WDPCP: variants seen among roughly 807,000 people sequenced by gnomAD.
WDPCP encodes WD repeat containing planar cell polarity effector.
WDPCP carries 71 observed loss-of-function variants against 93.1 expected under a neutral mutation model. That is an observed-to-expected ratio of 0.76 (90% CI 0.63 to 0.93). The LOEUF (loss-of-function observed/expected upper bound fraction) is 0.93, where lower values mean the gene tolerates loss of function less well. WDPCP is among the 40% of genes least tolerant of loss of function. The pLI, the probability that WDPCP is intolerant of heterozygous loss-of-function variation, is 0.00. For synonymous variants in WDPCP, 315 were observed against 315.0 expected, an observed-to-expected ratio of 1.00 and a Z score of 0.00; for missense variants, 844 against 887.4, an observed-to-expected ratio of 0.95 and a Z score of 0.62.
intron 1 of WDPCP, among the ~76,000 whole-genome samples, chr2:63,542,995 A>C (rs1258562386): frequency 2.0e-5 from 3 of 152,172 alleles, no homozygotes; most frequent in Non-Finnish European, 4.4e-5. Flanking sequence ...AAAAATATCA[A>C]ATATTCAAAA....
chr2:63,610,966 C>T (rs1279815384), intron 3 of WDPCP, among the ~76,000 whole-genome samples: 1 of 152,198 alleles, frequency 6.6e-6, no homozygotes, highest in African/African-American at 2.4e-5. Flanking sequence ...AGTTTGCTGG[C>T]TCACACCTGT....
chr2:63,748,749 T>G (rs1250685705), intron 2 of WDPCP, among the ~76,000 whole-genome samples: 1 of 152,134 alleles, frequency 6.6e-6, no homozygotes, highest in Non-Finnish European at 1.5e-5. Flanking sequence ...TTGCTTTTGC[T>G]GTGTATCACT....
At chr2:63,798,366 A>G (rs1019550575) in intron 2 of WDPCP, among the ~76,000 whole-genome samples, 13 of 152,340 alleles carry the variant, frequency 8.5e-5, no homozygotes, top group Admixed American at 4.6e-4. Flanking sequence ...ACAACTTTTC[A>G]AGACATAGTA....
chr2:63,404,381 G>T lies in WDPCP; in HGVS notation c.1102C>A (p.Arg368Ser), dbSNP rs769112221. 1.2e-6 allele frequency: 2 copies of T among 1,614,134 alleles called. No individual in the cohort carries two copies. Among genetic ancestry groups the T allele is most frequent in the East Asian group, 2.2e-5 (1 of 44,882 alleles). ...GTCTGTGCTAAGAGAGTCACTCTACGGTGAGTTTCATAAAGAATTAGCGAA... is the reference window on the plus strand; with the variant it reads ...GTCTGTGCTAAGAGAGTCACTCTACTGTGAGTTTCATAAAGAATTAGCGAA... The part of the protein sequence containing the change: ...DSSLILYETH[R>S]RVTLLAQTEL... The change falls in exon 10 of 18, where the codon CGT becomes AGT. Residue 368 changes from arginine to serine, a missense_variant. Transcript: ENST00000272321.
intron 2 of WDPCP, among the ~76,000 whole-genome samples, chr2:63,724,820 T>G (rs1443696881): frequency 6.6e-6 from 1 of 152,208 alleles, no homozygotes; most frequent in Non-Finnish European, 1.5e-5. Flanking sequence ...TGAACTGTTA[T>G]CCTGAAAAGC....
At chr2:63,204,221 C>T (rs1400368119) in intron 14 of WDPCP, among the ~76,000 whole-genome samples, 3 of 152,046 alleles carry the variant, frequency 2.0e-5, no homozygotes, top group African/African-American at 7.2e-5. Flanking sequence ...TTCTTATTAC[C>T]TGTCTTTTGG....
intron 12 of WDPCP, chr2:63,378,162 T>C: frequency 1.8e-6 from 1 of 554,682 alleles, no homozygotes; most frequent in Non-Finnish European, 3.2e-6. Context: ...GAGGAAGGTA[T>C]ATTAAAAAGT....
intron 2 of WDPCP, among the ~76,000 whole-genome samples, chr2:63,809,251 C>A (rs951282051): frequency 2.0e-5 from 3 of 151,442 alleles, no homozygotes; most frequent in African/African-American, 4.9e-5. Flanking sequence ...AGTGAGGAGC[C>A]CCTCTGCCCA....
intron 1 of WDPCP, among the ~76,000 whole-genome samples, chr2:63,816,357 G>C (rs1186617410): frequency 2.0e-5 from 3 of 152,148 alleles, no homozygotes; most frequent in Non-Finnish European, 4.4e-5. Flanking sequence ...CCCCCTAAAA[G>C]ATTCCACCCA....
intron 14 of WDPCP, among the ~76,000 whole-genome samples, chr2:63,251,396 C>T (rs907288740): frequency 3.3e-5 from 5 of 151,286 alleles, no homozygotes; most frequent in Admixed American, 1.3e-4. Context: ...TGGAAACACA[C>T]AACCTCCCAA....
At chr2:63,732,770 T>C (rs1669579877) in intron 2 of WDPCP, among the ~76,000 whole-genome samples, 1 of 152,112 alleles carries the variant, frequency 6.6e-6, no homozygotes. Context: ...CAACCAAGAT[T>C]AAGGGAAAGA....
At chr2:63,682,632 T>A (rs116308022) in intron 2 of WDPCP, among the ~76,000 whole-genome samples, 1,729 of 152,056 alleles carry the variant, frequency 0.011, 14 homozygotes, top group Non-Finnish European at 0.013. Context: ...TTCAAATGGA[T>A]AATAACAGAG....
intron 2 of WDPCP, among the ~76,000 whole-genome samples, chr2:63,664,962 TG>T (rs1278065353): frequency 1.3e-5 from 2 of 152,138 alleles, no homozygotes; most frequent in African/African-American, 2.4e-5. Context: ...TGCCTCTGCA[TG>T]GAGAGGATGA....
At chr2:63,601,462 TG>T (rs1709417079) in intron 3 of WDPCP, among the ~76,000 whole-genome samples, 1 of 152,238 alleles carries the variant, frequency 6.6e-6, no homozygotes, top group African/African-American at 2.4e-5. Context: ...CCAGTTAGCT[TG>T]TAAGAAAATT....
chr2:63,222,153 C>CTA (rs1559218288), intron 14 of WDPCP, among the ~76,000 whole-genome samples: 1 of 152,162 alleles, frequency 6.6e-6, no homozygotes, highest in Non-Finnish European at 1.5e-5. Context: ...TTTCATCTCT[C>CTA]TATATATATG....
At chr2:63,221,791 C>T (rs1677856587) in intron 14 of WDPCP, among the ~76,000 whole-genome samples, 1 of 152,144 alleles carries the variant, frequency 6.6e-6, no homozygotes, top group South Asian at 2.1e-4. Flanking sequence ...TTGTTTCCTC[C>T]TAATTATCTC....
At chr2:63,622,428 C>A (rs1709752470) in intron 3 of WDPCP, 2 of 1,613,800 alleles carry the variant, frequency 1.2e-6, no homozygotes, top group Admixed American at 1.7e-5. Flanking sequence ...ACCAAATAAG[C>A]TAGAGGAGAC....
At chr2:63,228,559 T>A (rs543172824) in intron 14 of WDPCP, 2 of 152,106 alleles carry the variant, frequency 1.3e-5, no homozygotes, top group Admixed American at 1.3e-4. Context: ...ATTAGGTATA[T>A]CTCCTAATGC....
intron 10 of WDPCP, among the ~76,000 whole-genome samples, chr2:63,385,108 GA>G (rs993422821): frequency 2.6e-5 from 4 of 151,696 alleles, no homozygotes; most frequent in African/African-American, 9.7e-5. Flanking sequence ...AAAGCACTTG[GA>G]AAAAAAATTC....
Sources: allele counts gnomAD v4.1 joint callset (sites outside exome capture counted in the v4.1 genomes callset), GRCh38; gene constraint gnomAD v4.1.1; transcripts MANE v1.5; gene names NCBI Gene and HGNC (gene_info 2026-07-23, HGNC 2026-07-21).